The following ARL10 variants were observed in gnomAD, a reference collection of about 807,000 sequenced individuals.
ARL10 encodes the protein ADP-ribosylation factor-like protein 10.
Under a neutral mutation model 26.1 loss-of-function variants are expected in ARL10, and 23 were observed. The ratio of observed to expected loss-of-function variants is 0.88; its 90% CI spans 0.63 to 1.25. The LOEUF is 1.25. ARL10 is among the 50% of genes most tolerant of loss of function. The probability of loss-of-function intolerance (pLI) is 0.00; values close to 1 mark genes in which losing one functional copy is unlikely to be tolerated. For missense variants in ARL10, 300 were observed against 323.6 expected (o/e 0.93, Z 0.56); for synonymous variants, 138 against 149.1 (o/e 0.93, Z 0.54).
chr5:176,388,787 G>A (rs752893961), downstream of ARL10: 4 of 1,603,982 alleles, frequency 2.5e-6, no homozygotes, highest in Non-Finnish European at 3.4e-6. Flanking sequence ...TGAGGTCGGA[G>A]TCCCGATTTT....
chr5:176,398,997 G>A (rs529041825), intron 1 of ARL10, among the ~76,000 whole-genome samples: 2 of 151,758 alleles, frequency 1.3e-5, no homozygotes, highest in East Asian at 3.9e-4. Flanking sequence ...CACACGTCAC[G>A]ACACCCGGCT....
intron 1 of ARL10, among the ~76,000 whole-genome samples, chr5:176,394,935 A>ATGGG (rs1756448384): frequency 1.3e-5 from 2 of 151,996 alleles, no homozygotes; most frequent in Non-Finnish European, 2.9e-5. Context: ...GGTATTCCAC[A>ATGGG]GCACCCATGC....
downstream of ARL10, among the ~76,000 whole-genome samples, chr5:176,383,747 T>G (rs1480290322): frequency 6.6e-6 from 1 of 152,162 alleles, no homozygotes; most frequent in African/African-American, 2.4e-5. Context: ...GGCAAGCTTC[T>G]GTAGAGTTGA....
rs1027588914 is a variant in ARL10, at chr5:176,379,638, C to T, written c.*7743C>T. On this transcript the variant is annotated 3_prime_UTR_variant, in exon 4 of 4. Coordinates refer to ENST00000310389, the MANE Select transcript of ARL10 (RefSeq NM_173664.6). ...AGAGCAGTTAATGCCATTTCTGTCT[C>T]TGCAGGTTTCACAAGTAGTGTTTCT... is the stretch of plus-strand genomic sequence containing the variant. 1 of 152,204 alleles carries T rather than the reference C, an allele frequency of 6.6e-6. No homozygotes were observed. Among genetic ancestry groups the T allele is most frequent in the Non-Finnish European group, 1.5e-5 (1 of 68,030 alleles). The allele number at this position is 152,204 out of a possible 1,614,324, so 9.4% of individuals were successfully genotyped here.
Position 176,395,347 on chromosome 5 carries a change from C to T in ARL10, c.134-6394C>T, listed in dbSNP as rs369130966. Reference sequence around the variant, plus strand: ...CTTCCACAAGGCCCTTATCATAACACACTCCAGACCATGAGCACGGTGAGG... The same window carrying T: ...CTTCCACAAGGCCCTTATCATAACATACTCCAGACCATGAGCACGGTGAGG... On this transcript the variant is annotated intron_variant, in intron 1 of 1. Coordinates refer to the ARL10 transcript ENST00000514533. Among the ~76,000 whole-genome samples the T allele has an allele frequency of 9.7e-4, 148 of 152,314 alleles. 1 individual carries two copies. Among genetic ancestry groups the T allele is most frequent in the Middle Eastern group, 3.4e-3 (1 of 294 alleles).
At position 176,372,239 on chromosome 5, in the gene ARL10, A is replaced by G. The variant is rs1768569337; in HGVS notation, c.*344A>G. 1 of 375,792 alleles carries G rather than the reference A, an allele frequency of 2.7e-6. No homozygotes were observed. Among genetic ancestry groups the G allele is most frequent in the Non-Finnish European group, 4.2e-6 (1 of 236,236 alleles). The allele number at this position is 375,792 out of a possible 1,614,324, so 23.3% of individuals were successfully genotyped here. ...CACTACAGGTCCCGGTACCTGAGGAACCAGTGTAGGTGTCAGAAATACTCC... is the reference window on the plus strand; with the variant it reads ...CACTACAGGTCCCGGTACCTGAGGAGCCAGTGTAGGTGTCAGAAATACTCC... On this transcript the variant is annotated 3_prime_UTR_variant, in exon 4 of 4. Transcript: ENST00000310389.
intron 1 of ARL10, chr5:176,398,063 G>A (rs765384233): frequency 5.6e-6 from 9 of 1,608,658 alleles, no homozygotes; most frequent in South Asian, 2.2e-5. Context: ...ACACAAACAC[G>A]CAGCAGTCTA....
downstream of ARL10, chr5:176,383,933 A>C (rs1755620453): frequency 2.0e-6 from 3 of 1,470,568 alleles, no homozygotes; most frequent in Admixed American, 4.9e-5. Context: ...AAAATACAAA[A>C]TCATCAGAGA....
At chr5:176,397,999 T>C in intron 1 of ARL10, 1 of 1,614,114 alleles carries the variant, frequency 6.2e-7, no homozygotes, top group Non-Finnish European at 8.5e-7. Context: ...TGGGTCAGCC[T>C]GTCAGCCTGG....
At chr5:176,404,858 C>T (rs1757027930), downstream of ARL10, among the ~76,000 whole-genome samples, 1 of 152,236 alleles carries the variant, frequency 6.6e-6, no homozygotes, top group Admixed American at 6.5e-5. Context: ...ACCCACATCC[C>T]CCTGGGCAGC....
intron 1 of ARL10, among the ~76,000 whole-genome samples, chr5:176,394,158 G>A (rs1361872669): frequency 3.9e-5 from 6 of 152,340 alleles, no homozygotes; most frequent in Admixed American, 6.5e-5. Context: ...AAAGTGCTGC[G>A]TGGAGCTGGG....
the ARL10 span, among the ~76,000 whole-genome samples, chr5:176,408,267 C>T: frequency 6.6e-6 from 1 of 150,982 alleles, no homozygotes; most frequent in African/African-American, 2.4e-5. Flanking sequence ...GGCACGGTGG[C>T]TCGTGCCTGT....
chr5:176,408,834 T>G, the ARL10 span, among the ~76,000 whole-genome samples: 22 of 152,228 alleles, frequency 1.4e-4, no homozygotes, highest in African/African-American at 5.1e-4. Context: ...TTTCCTCGTT[T>G]TTTGCAGGAT....
chr5:176,389,091 A>G, downstream of ARL10: 2 of 1,312,516 alleles, frequency 1.5e-6, no homozygotes, highest in Non-Finnish European at 2.1e-6. Context: ...AGAAGAGACG[A>G]GGGGGCGGGG....
At chr5:176,409,864 A>G in the ARL10 span, among the ~76,000 whole-genome samples, 1 of 152,194 alleles carries the variant, frequency 6.6e-6, no homozygotes, top group East Asian at 1.9e-4. Flanking sequence ...CCTTTGGGAA[A>G]ATTCTGGAAG....
At chr5:176,397,861 C>A (rs2113636418) in intron 1 of ARL10, 3 of 1,493,194 alleles carry the variant, frequency 2.0e-6, no homozygotes, top group Non-Finnish European at 2.8e-6. Flanking sequence ...CCCATGCACT[C>A]CGAGGACTCC....
chr5:176,394,661 C>A lies in ARL10; in HGVS notation c.134-7080C>A, dbSNP rs57373741. Among the ~76,000 whole-genome samples, 1,361 of 151,760 alleles carry A rather than the reference C, an allele frequency of 9.0e-3. 11 individuals are homozygous for A. Among genetic ancestry groups the A allele is most frequent in the African/African-American group, 0.026 (1,060 of 41,354 alleles). On this transcript the variant is annotated intron_variant, in intron 1 of 1. Transcript: ENST00000514533. Reference sequence around the variant, plus strand: ...AACCCCGTCTCTACTAAAAAATACACAAAATTAGCCGGGCATGGTGGCGGG... The same window carrying A: ...AACCCCGTCTCTACTAAAAAATACAAAAAATTAGCCGGGCATGGTGGCGGG...
intron 1 of ARL10, among the ~76,000 whole-genome samples, chr5:176,397,308 CCT>C (rs1756572626): frequency 6.7e-6 from 1 of 150,332 alleles, no homozygotes; most frequent in Non-Finnish European, 1.5e-5. Flanking sequence ...CCCCACAGCC[CCT>C]CTCATGTCCC....
chr5:176,403,713 A>C (rs1756957105), downstream of ARL10, among the ~76,000 whole-genome samples: 1 of 148,974 alleles, frequency 6.7e-6, no homozygotes, highest in African/African-American at 2.5e-5. Flanking sequence ...CAGCCTCCCA[A>C]AGTGCTGGGA....
Sources: gnomAD v4.1 joint callset for allele counts (sites outside exome capture counted in the v4.1 genomes callset) on GRCh38, gnomAD v4.1.1 for gene constraint, MANE v1.5 for transcripts, NCBI Gene and HGNC (gene_info 2026-07-23, HGNC 2026-07-21) for gene names.